The following COL27A1 variants were observed in gnomAD, a reference collection of about 807,000 sequenced individuals.
The protein encoded by COL27A1 is collagen type XXVII alpha 1 chain, also known as collagen alpha-1(XXVII) chain.
COL27A1 carries 106 observed loss-of-function variants against 251.3 expected under a neutral mutation model. The ratio of observed to expected loss-of-function variants is 0.42; its 90% CI spans 0.36 to 0.50. The LOEUF (loss-of-function observed/expected upper bound fraction) is 0.50, where lower values mean the gene tolerates loss of function less well. COL27A1 is among the 20% of genes least tolerant of loss of function. The probability of loss-of-function intolerance (pLI) is 0.00; values close to 1 mark genes in which losing one functional copy is unlikely to be tolerated. For synonymous variants in COL27A1, 1,000 were observed against 986.3 expected (o/e 1.01, Z -0.26); for missense variants, 2,325 against 2,522.8 (o/e 0.92, Z 1.68).
intron 5 of COL27A1, among the ~76,000 whole-genome samples, chr9:114,185,272 T>C (rs1053204132): frequency 6.6e-6 from 1 of 152,214 alleles, no homozygotes; most frequent in Non-Finnish European, 1.5e-5. Context: ...CTGTGTATAA[T>C]AGATAAGGAT....
chr9:114,264,680 C>T lies in COL27A1; in HGVS notation c.3250-244C>T, dbSNP rs533316269. ...CCAAACCCCACCAGGCCCCTGACAG[C>T]TGAGACTGCTTCTGGCAGCCCCATC... is the stretch of plus-strand genomic sequence containing the variant. On this transcript the variant is annotated intron_variant, in intron 29 of 60. Transcript: ENST00000356083. Among the ~76,000 whole-genome samples the T allele has an allele frequency of 2.6e-5, 4 of 152,300 alleles. No individual in the cohort carries two copies. In the South Asian group the frequency reaches 8.3e-4, roughly 32 times the overall value.
intron 8 of COL27A1, 102 bp from the exon 9 acceptor site, chr9:114,205,657 C>A (rs1050056432): frequency 9.5e-7 from 1 of 1,052,488 alleles, no homozygotes. Flanking sequence ...ACATTCCTGC[C>A]CCTCTCTTTA....
At chr9:114,278,570 T>C (rs1835703130) in intron 37 of COL27A1, among the ~76,000 whole-genome samples, 1 of 135,732 alleles carries the variant, frequency 7.4e-6, no homozygotes, top group African/African-American at 2.9e-5. Context: ...GGAGTGATGA[T>C]GGTGGTCATG....
chr9:114,247,733 G>A (rs541916424), intron 24 of COL27A1, among the ~76,000 whole-genome samples: 8 of 152,336 alleles, frequency 5.3e-5, no homozygotes, highest in African/African-American at 1.9e-4. Context: ...TACCATGCCA[G>A]CCGTTCCCTT....
At position 114,185,502 on chromosome 9, in the gene COL27A1, C is replaced by T. The variant is rs145815427; in HGVS notation, c.2016+2427C>T. Among the ~76,000 whole-genome samples, 248 of 152,334 alleles carry T rather than the reference C, an allele frequency of 1.6e-3. 3 individuals carry two copies. The Middle Eastern group carries it at 0.02, about 13-fold the overall frequency. On this transcript the variant is annotated intron_variant, in intron 5 of 60. Coordinates refer to ENST00000356083, the MANE Select transcript of COL27A1 (RefSeq NM_032888.4). The stretch of plus-strand genomic sequence containing the variant: ...GGCAGGACAAGGTTAAAGCAGAGGC[C>T]TTCCCTGGATGGAAGTAATGACTTG...
chr9:114,284,359 T>C (rs935552757), intron 40 of COL27A1, among the ~76,000 whole-genome samples: 3 of 152,156 alleles, frequency 2.0e-5, no homozygotes, highest in East Asian at 1.9e-4. Context: ...GAGCCCACAG[T>C]GGGTGTCCAT....
intron 6 of COL27A1, among the ~76,000 whole-genome samples, chr9:114,194,782 G>C (rs1362536023): frequency 6.6e-6 from 1 of 152,212 alleles, no homozygotes; most frequent in African/African-American, 2.4e-5. Flanking sequence ...GGGTCTGCTA[G>C]GTGACTGTGG....
rs780561172 is a variant in COL27A1, at chr9:114,209,636, C to T, written c.2269-39C>T. ...GGCAGGTTGGGCCAGCCACACCTCA[C>T]TGCTTGACCGCTCTGACCCCCTTTC... is the stretch of plus-strand genomic sequence containing the variant. On this transcript the variant is annotated intron_variant, in intron 10 of 60. Coordinates refer to ENST00000356083, the MANE Select transcript of COL27A1 (RefSeq NM_032888.4). 13 of 1,609,054 alleles carry T rather than the reference C, an allele frequency of 8.1e-6. No individual in the cohort carries two copies. In the Admixed American group the frequency reaches 1.0e-4, roughly 12 times the overall value.
At chr9:114,205,044 G>C in intron 7 of COL27A1, 58 bp from the exon 8 acceptor site, 1 of 1,566,256 alleles carries the variant, frequency 6.4e-7, no homozygotes, top group Non-Finnish European at 8.8e-7. Flanking sequence ...GGGCCCTTGC[G>C]ATCTCCAGGA....
intron 12 of COL27A1, among the ~76,000 whole-genome samples, chr9:114,212,819 G>A (rs748593364): frequency 5.9e-5 from 9 of 152,246 alleles, no homozygotes; most frequent in Non-Finnish European, 1.2e-4. Context: ...GGATGGCTGA[G>A]GGGATCTCTG....
chr9:114,271,275 A>C (rs1835123130), intron 36 of COL27A1: 1 of 158,756 alleles, frequency 6.3e-6, no homozygotes, highest in Non-Finnish European at 1.4e-5. Context: ...TTAGATGAGG[A>C]AACTGAGACT....
intron 14 of COL27A1, among the ~76,000 whole-genome samples, chr9:114,223,445 G>T (rs1442772723): frequency 6.6e-6 from 1 of 152,158 alleles, no homozygotes; most frequent in African/African-American, 2.4e-5. Context: ...GGCCATCTGT[G>T]CCTGCTCAGG....
intron 41 of COL27A1, 134 bp downstream of exon 41, chr9:114,284,911 C>T (rs1827354739): frequency 5.4e-6 from 5 of 922,970 alleles, no homozygotes; most frequent in African/African-American, 3.3e-5. Flanking sequence ...CTGCAGCAGC[C>T]GAGGCTGGTG....
chr9:114,205,696 C>T, intron 8 of COL27A1, 63 bp from the exon 9 acceptor site: 6 of 1,430,228 alleles, frequency 4.2e-6, no homozygotes, highest in South Asian at 1.1e-5. Flanking sequence ...CTCCCAGGGT[C>T]CCCCAGACCC....
intron 28 of COL27A1, among the ~76,000 whole-genome samples, chr9:114,262,129 A>G (rs1192919985): frequency 6.6e-6 from 1 of 152,146 alleles, no homozygotes; most frequent in East Asian, 1.9e-4. Flanking sequence ...GTCTGCCATC[A>G]GCTCAGCCCC....
chr9:114,278,328 G>C (rs1486913257), intron 37 of COL27A1, among the ~76,000 whole-genome samples: 1 of 56,126 alleles, frequency 1.8e-5, no homozygotes, highest in Non-Finnish European at 3.7e-5. Context: ...TGATGAGGTG[G>C]TGATGGTGGT....
intron 19 of COL27A1, among the ~76,000 whole-genome samples, chr9:114,239,893 A>G (rs1012604358): frequency 3.9e-5 from 6 of 152,152 alleles, no homozygotes; most frequent in Admixed American, 1.3e-4. Context: ...CTGGGGAGCA[A>G]TGTCCCCAGA....
At position 114,275,740 on chromosome 9, in the gene COL27A1, C is replaced by A. The variant is rs748613697; in HGVS notation, c.3689C>A (p.Pro1230His). ...GGGCTGATGGGTGAGGACGGGCCCC[C>A]CGGCCCCCCTGGCGTCACTGGTGTC... ...QEGLMGEDGP[P>H]GPPGVTGVRG... Residue 1230 changes from proline (P) to histidine (H), a missense_variant, in exon 37 of 61, where the codon CCC becomes CAC. Pro to His is a moderately conservative substitution (Grantham distance 77, BLOSUM62 -2). Around this residue, in one of 4 missense-constraint regions of COL27A1, gnomAD observed 662 missense variants for 795.3 expected, o/e 0.83. Transcript: ENST00000356083. The A allele has an allele frequency of 3.1e-5, 48 of 1,549,170 alleles. 2 individuals carry two copies. In the African/African-American group the frequency reaches 6.0e-4, roughly 19 times the overall value.
At chr9:114,302,971 C>G (rs1049872237) in intron 56 of COL27A1, among the ~76,000 whole-genome samples, 1 of 152,188 alleles carries the variant, frequency 6.6e-6, no homozygotes, top group East Asian at 1.9e-4. Flanking sequence ...ATGCGTCATT[C>G]AGAACCTCTG....
Sources: allele counts gnomAD v4.1 joint callset (sites outside exome capture counted in the v4.1 genomes callset), GRCh38; gene constraint gnomAD v4.1.1; regional missense constraint gnomAD v4.1.1; transcripts MANE v1.5; gene names NCBI Gene and HGNC (gene_info 2026-07-23, HGNC 2026-07-21).